DPY30: variants seen among roughly 807,000 people sequenced by gnomAD.
The protein encoded by DPY30 is dpy-30 histone methyltransferase complex regulatory subunit.
Under a neutral mutation model 16.2 loss-of-function variants are expected in DPY30, and 6 were observed. That is an observed-to-expected ratio of 0.37 (90% CI 0.20 to 0.73). The LOEUF is 0.73. DPY30 is among the 30% of genes least tolerant of loss of function. The pLI is 0.51. For missense variants in DPY30, 73 were observed against 113.1 expected (o/e 0.65, Z 1.61); for synonymous variants, 39 against 38.8 (o/e 1.00, Z -0.02).
In DPY30 at chr2:32,029,710, A is replaced by C; in HGVS notation, c.111T>G (p.Asn37Lys). Residue 37 changes from asparagine to lysine, a missense_variant, in exon 4 of 5, where the codon AAT becomes AAG. Coordinates refer to ENST00000342166, the MANE Select transcript of DPY30 (RefSeq NM_001321209.2). ...VERIVENEKINAEKSSKQKVD... is the reference protein window; with the variant it reads ...VERIVENEKIKAEKSSKQKVD... ...CCTTCTGCTTTGATGACTTTTCTGC[A>C]TTAATCTTCTCATTTTCTACTATTC... 6.2e-7 allele frequency: 1 copy of C among 1,614,148 alleles called. No homozygotes were observed. The highest frequency in any genetic ancestry group is 8.5e-7 in the Non-Finnish European group (1 of 1,180,006).
chr2:32,024,002 G>A lies in DPY30; in HGVS notation c.*182C>T, dbSNP rs1173973003. On this transcript the variant is annotated 3_prime_UTR_variant, in exon 5 of 5. Transcript: ENST00000342166. ...CAGAATACACTCATTAAATAGGTAT[G>A]GTTTATGGTGATTAAATCAAAATAA... 4 of 1,449,336 alleles carry A rather than the reference G, an allele frequency of 2.8e-6. No individual in the cohort carries two copies. In the African/African-American group the frequency reaches 5.7e-5, roughly 21 times the overall value. The allele number at this position is 1,449,336 out of a possible 1,614,324, so 89.8% of individuals were successfully genotyped here.
intron 3 of DPY30, among the ~76,000 whole-genome samples, chr2:32,038,016 GC>G (rs571935065): frequency 6.4e-4 from 97 of 151,982 alleles, no homozygotes; most frequent in South Asian, 4.2e-3. Flanking sequence ...GCCCCATAAG[GC>G]CCAGAGAAGT....
chr2:32,036,711 CA>C (rs1368558781), intron 3 of DPY30, among the ~76,000 whole-genome samples: 2 of 128,502 alleles, frequency 1.6e-5, no homozygotes, highest in Non-Finnish European at 3.4e-5. Context: ...ACTGAAAATA[CA>C]AAAAAATTAG....
intron 4 of DPY30, among the ~76,000 whole-genome samples, chr2:32,026,275 T>A (rs1228636921): frequency 6.6e-6 from 1 of 152,064 alleles, no homozygotes; most frequent in Admixed American, 6.6e-5. Flanking sequence ...CCTGGCATAG[T>A]GGCACACGCC....
intron 5 of DPY30, among the ~76,000 whole-genome samples, chr2:32,013,619 T>G (rs1675008329): frequency 6.6e-6 from 1 of 152,218 alleles, no homozygotes; most frequent in Non-Finnish European, 1.5e-5. Context: ...TATCCACTAG[T>G]GATTTTGGTT....
chr2:32,027,616 C>G (rs1166825115), intron 4 of DPY30, among the ~76,000 whole-genome samples: 2 of 149,462 alleles, frequency 1.3e-5, no homozygotes, highest in African/African-American at 4.9e-5. Flanking sequence ...TTCAAATCAA[C>G]CAAGATACCC....
intron 3 of DPY30, among the ~76,000 whole-genome samples, chr2:32,038,914 C>A (rs972402783): frequency 6.6e-6 from 1 of 152,208 alleles, no homozygotes; most frequent in Non-Finnish European, 1.5e-5. Context: ...TCCCAAAGTG[C>A]TGGGATGATA....
chr2:32,035,463 T>C (rs1675699542), intron 3 of DPY30, among the ~76,000 whole-genome samples: 2 of 150,520 alleles, frequency 1.3e-5, no homozygotes. Flanking sequence ...TTAGCTGGGT[T>C]TGGTGGCTCC....
rs988522746 is a variant in DPY30, at chr2:32,023,952, A to C, written c.*232T>G. ...GAAGGTCATTTTAAAAACAAAGTTA[A>C]AGACAATCTGAGAAAAAAATTGCAC... On this transcript the variant is annotated 3_prime_UTR_variant, in exon 5 of 5. Coordinates refer to ENST00000342166, the MANE Select transcript of DPY30 (RefSeq NM_001321209.2). 7.9e-6 allele frequency: 11 copies of C among 1,398,868 alleles called. No individual in the cohort carries two copies. Among genetic ancestry groups the C allele is most frequent in the South Asian group, 1.5e-5 (1 of 66,946 alleles). The allele number at this position is 1,398,868 out of a possible 1,614,324, so 86.7% of individuals were successfully genotyped here.
At chr2:32,030,239 C>T (rs1675484206) in intron 3 of DPY30, among the ~76,000 whole-genome samples, 2 of 151,940 alleles carry the variant, frequency 1.3e-5, no homozygotes, top group African/African-American at 4.8e-5. Context: ...TTATGGTTAC[C>T]CTCTATTTAT....
intron 3 of DPY30, among the ~76,000 whole-genome samples, chr2:32,035,107 TA>T (rs770273592): frequency 0.015 from 2,068 of 135,148 alleles, 18 homozygotes; most frequent in Middle Eastern, 0.026. Context: ...AGACTCCATT[TA>T]AAAAAAAAAA....
At chr2:32,025,717 G>A (rs558334707) in intron 4 of DPY30, among the ~76,000 whole-genome samples, 11 of 149,076 alleles carry the variant, frequency 7.4e-5, no homozygotes, top group African/African-American at 2.7e-4. Context: ...AACCAAGATC[G>A]AGCCACTGCC....
chr2:32,039,129 T>TA, intron 3 of DPY30, 150 bp downstream of exon 3: 1 of 898,970 alleles, frequency 1.1e-6, no homozygotes, highest in African/African-American at 1.7e-5. Flanking sequence ...TTAGTACTGC[T>TA]AATAAAACAA....
intron 5 of DPY30, chr2:32,013,460 G>GTA (rs769445709): frequency 1.3e-5 from 2 of 152,120 alleles, no homozygotes; most frequent in African/African-American, 4.8e-5. Flanking sequence ...CCTTACTCAA[G>GTA]TATACCCTTG....
chr2:32,031,636 T>C (rs1675545514), intron 3 of DPY30, among the ~76,000 whole-genome samples: 1 of 150,638 alleles, frequency 6.6e-6, no homozygotes, highest in Non-Finnish European at 1.5e-5. Flanking sequence ...GGCTCACACC[T>C]GTAATCCCAG....
Position 32,024,260 on chromosome 2 carries a change from T to C in DPY30, c.228-4A>G. 6.3e-7 allele frequency: 1 copy of C among 1,598,302 alleles called. No homozygotes were observed. Among genetic ancestry groups the C allele is most frequent in the Non-Finnish European group, 8.6e-7 (1 of 1,167,136 alleles). On this transcript the variant is annotated splice_region_variant and splice_polypyrimidine_tract_variant and intron_variant, in intron 4 of 4. Transcript: ENST00000342166. ...AAATTCAATGGGATTTGGTGGTCTG[T>C]AAGGGAAAAGAAATCCAAAGTTTAG...
In DPY30 at chr2:32,039,463, C is replaced by T. The variant is rs936661861; in HGVS notation, c.-7G>A. 10 of 1,613,944 alleles carry T rather than the reference C, an allele frequency of 6.2e-6. No homozygotes were observed. In the African/African-American group the frequency reaches 1.2e-4, roughly 19 times the overall value. ...GCATCTGCTCTGGCTCCATGGCGGA[C>T]CCTGCAAGTCACAGTCCCCGGATAC... is the stretch of plus-strand genomic sequence containing the variant. On this transcript the variant is annotated 5_prime_UTR_variant, in exon 2 of 5. Transcript: ENST00000342166.
At chr2:32,039,355 T>C (rs779812865) in intron 2 of DPY30, 29 bp from the exon 3 acceptor site, 1 of 1,613,904 alleles carries the variant, frequency 6.2e-7, no homozygotes, top group East Asian at 2.2e-5. Flanking sequence ...GTCACAGAGA[T>C]ATAAGTCCCC....
At chr2:32,028,329 G>T (rs1266901606) in intron 4 of DPY30, among the ~76,000 whole-genome samples, 1 of 151,922 alleles carries the variant, frequency 6.6e-6, no homozygotes, top group African/African-American at 2.4e-5. Context: ...ATGTCAGTTT[G>T]CTATTATAAT....
Sources: gnomAD v4.1 joint callset for allele counts (sites outside exome capture counted in the v4.1 genomes callset) on GRCh38, gnomAD v4.1.1 for gene constraint, MANE v1.5 for transcripts, NCBI Gene and HGNC (gene_info 2026-07-23, HGNC 2026-07-21) for gene names.